QTGAL: variants seen among roughly 807,000 people sequenced by gnomAD.
QTGAL encodes the protein queuosine-tRNA galactosyltransferase.
At chr17:83,021,352 T>C in the QTGAL span, among the ~76,000 whole-genome samples, 2 of 152,058 alleles carry the variant, frequency 1.3e-5, no homozygotes, top group African/African-American at 2.4e-5. Flanking sequence ...AAAAAAACTC[T>C]ACTAGAATAA....
chr17:82,999,008 G>A, the QTGAL span, among the ~76,000 whole-genome samples: 1 of 150,724 alleles, frequency 6.6e-6, no homozygotes, highest in Admixed American at 6.6e-5. Context: ...GGACATGGAA[G>A]AACTGAATTC....
chr17:82,959,602 G>C, the QTGAL span, among the ~76,000 whole-genome samples: 1 of 152,088 alleles, frequency 6.6e-6, no homozygotes, highest in Non-Finnish European at 1.5e-5. Context: ...GTCTCGGGGC[G>C]GGGGGACGAG....
the QTGAL span, among the ~76,000 whole-genome samples, chr17:82,970,621 CGGCGTGGCCGCG>C: frequency 3.0e-4 from 26 of 87,100 alleles, 1 homozygote; most frequent in Admixed American, 6.1e-4. Context: ...CCTCCCCACC[CGGCGTGGCCGCG>C]ACCTCCGCAC....
At chr17:83,034,585 T>C in the QTGAL span, among the ~76,000 whole-genome samples, 2 of 152,176 alleles carry the variant, frequency 1.3e-5, no homozygotes, top group South Asian at 2.1e-4. Context: ...TTGATAAGGT[T>C]GGGCTGTGTC....
At chr17:83,020,909 A>G in the QTGAL span, among the ~76,000 whole-genome samples, 130 of 152,190 alleles carry the variant, frequency 8.5e-4, no homozygotes, top group Admixed American at 2.2e-3. Flanking sequence ...GCGAAGGGGC[A>G]TGAAAGGGGC....
chr17:83,012,434 CA>C, the QTGAL span, among the ~76,000 whole-genome samples: 3 of 152,214 alleles, frequency 2.0e-5, no homozygotes, highest in Non-Finnish European at 4.4e-5. Flanking sequence ...ACACTCCTAA[CA>C]AAATTCCTTA....
At chr17:83,018,032 G>A in the QTGAL span, among the ~76,000 whole-genome samples, 15 of 128,536 alleles carry the variant, frequency 1.2e-4, no homozygotes, top group African/African-American at 2.7e-4. Flanking sequence ...GGTACCACAC[G>A]TGCTCCGTGA....
chr17:83,048,778 A>G, the QTGAL span: 82 of 1,612,266 alleles, frequency 5.1e-5, no homozygotes, highest in Non-Finnish European at 7.0e-5. Flanking sequence ...GACTGGGAGG[A>G]TAATAGACTG....
the QTGAL span, among the ~76,000 whole-genome samples, chr17:82,973,020 C>T: frequency 6.6e-6 from 1 of 152,226 alleles, no homozygotes; most frequent in Non-Finnish European, 1.5e-5. Flanking sequence ...CCCTGTGTCA[C>T]ACACAGCACG....
chr17:82,965,622 G>A, the QTGAL span: 5,158 of 1,562,818 alleles, frequency 3.3e-3, 202 homozygotes, highest in South Asian at 0.056. Flanking sequence ...ACCTGGGGGA[G>A]GGACCTGATT....
At chr17:82,965,696 C>T in the QTGAL span, 1,767 of 1,612,434 alleles carry the variant, frequency 1.1e-3, 12 homozygotes, top group African/African-American at 0.019. Flanking sequence ...ACCACGCTCG[C>T]GAGCAGAACC....
chr17:83,048,850 T>C, the QTGAL span: 2 of 1,373,152 alleles, frequency 1.5e-6, no homozygotes, highest in South Asian at 1.2e-5. Flanking sequence ...ATGGCTCTAA[T>C]TTACCTCCCC....
At chr17:83,009,188 C>T in the QTGAL span, among the ~76,000 whole-genome samples, 2 of 152,092 alleles carry the variant, frequency 1.3e-5, no homozygotes, top group Admixed American at 1.3e-4. Flanking sequence ...CTTTGGAAGG[C>T]AGAGGCGGGT....
the QTGAL span, among the ~76,000 whole-genome samples, chr17:82,995,642 C>A: frequency 6.6e-6 from 1 of 152,148 alleles, no homozygotes; most frequent in Non-Finnish European, 1.5e-5. Flanking sequence ...CTCGCCCTCC[C>A]AAAGTGCTGG....
the QTGAL span, among the ~76,000 whole-genome samples, chr17:83,020,311 G>A: frequency 6.6e-6 from 1 of 152,182 alleles, no homozygotes; most frequent in East Asian, 1.9e-4. Context: ...AGAAATTTCT[G>A]AGACCGATAA....
At chr17:83,010,002 T>C in the QTGAL span, among the ~76,000 whole-genome samples, 18 of 97,308 alleles carry the variant, frequency 1.8e-4, no homozygotes, top group Non-Finnish European at 3.1e-4. Context: ...CCCCTGGTGT[T>C]GGGGGGCTGT....
At chr17:83,034,137 G>C in the QTGAL span, among the ~76,000 whole-genome samples, 1 of 151,772 alleles carries the variant, frequency 6.6e-6, no homozygotes, top group Non-Finnish European at 1.5e-5. Flanking sequence ...ACAGGGTTTT[G>C]CCATGTTGGC....
the QTGAL span, chr17:83,048,671 T>C: frequency 6.2e-7 from 1 of 1,612,918 alleles, no homozygotes; most frequent in Non-Finnish European, 8.5e-7. Flanking sequence ...CTACAAACCT[T>C]ACTGGCATCA....
chr17:83,036,424 G>A, the QTGAL span, among the ~76,000 whole-genome samples: 3 of 152,208 alleles, frequency 2.0e-5, no homozygotes, highest in Non-Finnish European at 4.4e-5. Flanking sequence ...TCTTCCTCAG[G>A]GTGCCGGTTA....
Sources: gnomAD v4.1 joint callset for allele counts (sites outside exome capture counted in the v4.1 genomes callset) on GRCh38, gnomAD v4.1.1 for gene constraint, MANE v1.5 for transcripts, NCBI Gene and HGNC (gene_info 2026-07-23, HGNC 2026-07-21) for gene names.